The following GADL1 variants were observed in gnomAD, a reference collection of about 807,000 sequenced individuals.
GADL1 encodes GAD like acidic amino acid decarboxylase 1.
In GADL1, 71 loss-of-function variants were observed where a neutral mutation model predicts 69.5. That is an observed-to-expected ratio of 1.02 (90% CI 0.84 to 1.25). GADL1 has a LOEUF of 1.25. GADL1 is among the 50% of genes most tolerant of loss of function. GADL1 has a pLI of 0.00. For synonymous variants in GADL1, 254 were observed against 214.4 expected (o/e 1.18, Z -1.62); for missense variants, 737 against 631.8 (o/e 1.17, Z -1.79).
chr3:30,791,157 TTA>T (rs778243679), intron 12 of GADL1, among the ~76,000 whole-genome samples: 2 of 152,178 alleles, frequency 1.3e-5, no homozygotes, highest in South Asian at 4.1e-4. Context: ...ATGTGGTTAC[TTA>T]TATAGTTTTT....
At chr3:30,809,323 C>T (rs1697313172) in intron 11 of GADL1, among the ~76,000 whole-genome samples, 1 of 152,122 alleles carries the variant, frequency 6.6e-6, no homozygotes, top group Admixed American at 6.5e-5. Flanking sequence ...TTGCATACAG[C>T]TTGGAGAGAG....
In GADL1 at chr3:30,892,917, G is replaced by A. The variant is rs1265470671; in HGVS notation, c.37+1661C>T. Reference sequence around the variant, plus strand: ...GTCACCTAGGCTGGAGTACAGTGGCGCGAATCTTGGCTCACTGCAGGCTCC... The same window carrying A: ...GTCACCTAGGCTGGAGTACAGTGGCACGAATCTTGGCTCACTGCAGGCTCC... On this transcript the variant is annotated intron_variant, in intron 1 of 14. Coordinates refer to ENST00000282538, the MANE Select transcript of GADL1 (RefSeq NM_207359.3). Among the ~76,000 whole-genome samples the A allele has an allele frequency of 5.3e-5, 8 of 152,212 alleles. No individual in the cohort carries two copies. In the South Asian group the frequency reaches 6.2e-4, roughly 12 times the overall value.
intron 13 of GADL1, among the ~76,000 whole-genome samples, chr3:30,783,775 A>G (rs1044077093): frequency 1.4e-5 from 2 of 146,330 alleles, no homozygotes; most frequent in Non-Finnish European, 3.1e-5. Context: ...ATCCAGGGGC[A>G]GAAGGCTGAC....
At chr3:30,875,920 G>C (rs2172779) in intron 1 of GADL1, among the ~76,000 whole-genome samples, 38,890 of 151,744 alleles carry the variant, frequency 0.26, 6,201 homozygotes, top group East Asian at 0.5. Context: ...CACTATCACA[G>C]TTTGGCAATT....
chr3:30,775,771 C>T (rs747868022), intron 14 of GADL1, among the ~76,000 whole-genome samples: 7 of 152,046 alleles, frequency 4.6e-5, no homozygotes, highest in Non-Finnish European at 1.0e-4. Context: ...AGAGAATGTC[C>T]CAATTCCTGT....
At chr3:30,772,471 T>C (rs1057147711) in intron 14 of GADL1, among the ~76,000 whole-genome samples, 1 of 152,314 alleles carries the variant, frequency 6.6e-6, no homozygotes, top group Admixed American at 6.5e-5. Flanking sequence ...ACATTTCCCA[T>C]CTTATCTTTG....
chr3:30,760,100 A>G (rs888240748), intron 14 of GADL1, among the ~76,000 whole-genome samples: 1 of 152,212 alleles, frequency 6.6e-6, no homozygotes, highest in Non-Finnish European at 1.5e-5. Context: ...TATTGTCAAT[A>G]AGTCATGTTT....
rs538461964 is a variant in GADL1, at chr3:30,876,007, G to A, written c.38-14242C>T. Among the ~76,000 whole-genome samples the A allele has an allele frequency of 1.7e-4, 26 of 152,018 alleles. No homozygotes were observed. The East Asian group carries it at 2.5e-3, about 15-fold the overall frequency. ...TGCCAGTTCCTCAGGAAGCTGATCC[G>A]TGACTTTTCTCTGATTTCCAATTCT... On this transcript the variant is annotated intron_variant, in intron 1 of 14. Transcript: ENST00000282538.
chr3:30,844,343 C>G (rs370829331), intron 7 of GADL1, 44 bp downstream of exon 7: 2 of 1,568,730 alleles, frequency 1.3e-6, no homozygotes, highest in East Asian at 2.2e-5. Context: ...ACCATATAAA[C>G]TTTTCCCTCC....
intron 14 of GADL1, among the ~76,000 whole-genome samples, chr3:30,740,244 G>C (rs1027918214): frequency 7.2e-5 from 11 of 152,158 alleles, no homozygotes; most frequent in Admixed American, 3.3e-4. Context: ...AAAAGACAGA[G>C]TTTGAATTCG....
intron 3 of GADL1, 50 bp from the exon 4 acceptor site, chr3:30,854,839 CTACTGA>C (rs940255393): frequency 2.5e-6 from 2 of 814,342 alleles, no homozygotes; most frequent in African/African-American, 3.5e-5. Flanking sequence ...AAAAAAAAAA[CTACTGA>C]TACAGCATTA....
intron 12 of GADL1, among the ~76,000 whole-genome samples, chr3:30,796,750 C>A (rs773511266): frequency 1.3e-5 from 2 of 152,162 alleles, no homozygotes; most frequent in Non-Finnish European, 2.9e-5. Context: ...TGAAAGTCAT[C>A]ACTACACTAG....
At chr3:30,836,269 A>T (rs1449031676) in intron 9 of GADL1, among the ~76,000 whole-genome samples, 2 of 151,966 alleles carry the variant, frequency 1.3e-5, no homozygotes, top group Non-Finnish European at 2.9e-5. Flanking sequence ...AAAAAGGTAA[A>T]TAATCTCCCA....
intron 11 of GADL1, among the ~76,000 whole-genome samples, chr3:30,812,956 T>C (rs1305892951): frequency 6.6e-6 from 1 of 151,532 alleles, no homozygotes; most frequent in Non-Finnish European, 1.5e-5. Context: ...AAGGGGAGAA[T>C]GTGGAACAGA....
At chr3:30,860,987 T>C (rs373135228) in intron 2 of GADL1, among the ~76,000 whole-genome samples, 14 of 152,076 alleles carry the variant, frequency 9.2e-5, no homozygotes, top group South Asian at 8.3e-4. Context: ...ACATAGTAAG[T>C]ATTCTTAAGA....
intron 14 of GADL1, among the ~76,000 whole-genome samples, chr3:30,773,481 TTA>T (rs1696465530): frequency 6.6e-6 from 1 of 152,192 alleles, no homozygotes; most frequent in African/African-American, 2.4e-5. Context: ...GCCTGCAACT[TTA>T]TCTCTAAAAA....
chr3:30,880,288 A>C (rs914735330), intron 1 of GADL1, among the ~76,000 whole-genome samples: 2 of 151,918 alleles, frequency 1.3e-5, no homozygotes, highest in Admixed American at 6.6e-5. Flanking sequence ...GAGGATGTGC[A>C]CAGGTTATAT....
At chr3:30,893,607 A>T (rs1032108320) in intron 1 of GADL1, among the ~76,000 whole-genome samples, 65 of 152,304 alleles carry the variant, frequency 4.3e-4, no homozygotes, top group African/African-American at 1.5e-3. Context: ...GCCATATATA[A>T]AAATAATAAT....
intron 13 of GADL1, among the ~76,000 whole-genome samples, chr3:30,780,074 A>ACAGG (rs1431356003): frequency 1.3e-5 from 2 of 152,142 alleles, no homozygotes; most frequent in Non-Finnish European, 2.9e-5. Context: ...ATCACAGCAG[A>ACAGG]CAGGCAGCAA....
Sources: gnomAD v4.1 joint callset for allele counts (sites outside exome capture counted in the v4.1 genomes callset) on GRCh38, gnomAD v4.1.1 for gene constraint, MANE v1.5 for transcripts, NCBI Gene and HGNC (gene_info 2026-07-23, HGNC 2026-07-21) for gene names.